TMEM134: variants seen among roughly 807,000 people sequenced by gnomAD.
TMEM134 encodes transmembrane protein 134.
Under a neutral mutation model 26.2 loss-of-function variants are expected in TMEM134, and 36 were observed. That is an observed-to-expected ratio of 1.37 (90% CI 1.05 to 1.81). The LOEUF is 1.81. Among genes scored for constraint, TMEM134 ranks in the 40% most tolerant of loss-of-function variants. TMEM134 has a pLI of 0.00. For synonymous variants in TMEM134, 133 were observed against 113.6 expected, an observed-to-expected ratio of 1.17 and a Z score of -1.08; for missense variants, 339 against 263.5, an observed-to-expected ratio of 1.29 and a Z score of -1.98.
Position 67,465,092 on chromosome 11 carries a change from G to C in TMEM134, c.415C>G (p.Leu139Val). ...GTCGCCTCCAGTCCCACGCCGACCA[G>C]GATCAGCACTGCACACAGACGGAGC... is the stretch of plus-strand genomic sequence containing the variant. ...LLLLLGLVLILVGVGLEATPS... is the reference protein window; with the variant it reads ...LLLLLGLVLIVVGVGLEATPS... Residue 139 changes from leucine to valine, a missense_variant, in exon 5 of 7, where the codon CTG becomes GTG. Leu to Val is a conservative substitution (Grantham distance 32). Transcript: ENST00000308022. 6.3e-7 allele frequency: 1 copy of C among 1,585,630 alleles called. No homozygotes were observed. The highest frequency in any genetic ancestry group is 8.5e-7 in the Non-Finnish European group (1 of 1,170,050).
chr11:67,465,090 C>T lies in TMEM134; in HGVS notation c.417G>A (p.Leu139=). 6.3e-7 allele frequency: 1 copy of T among 1,585,934 alleles called. No individual in the cohort carries two copies. The highest frequency in any genetic ancestry group is 8.5e-7 in the Non-Finnish European group (1 of 1,170,124). ...LLLLLGLVLI[L]VGVGLEATPS... ...GGGTCGCCTCCAGTCCCACGCCGAC[C>T]AGGATCAGCACTGCACACAGACGGA... The change falls in exon 5 of 7, where the codon CTG becomes CTA. Residue 139 remains leucine (L), a synonymous_variant. Coordinates refer to ENST00000308022, the MANE Select transcript of TMEM134 (RefSeq NM_025124.4).
intron 1 of TMEM134, 132 bp from the exon 2 acceptor site, chr11:67,468,224 C>T: frequency 2.5e-6 from 2 of 795,998 alleles, no homozygotes; most frequent in Admixed American, 4.5e-5. Context: ...GCCCTCTGCC[C>T]TCCCCGCAGA....
intron 1 of TMEM134, 135 bp downstream of exon 1, chr11:67,468,884 C>G: frequency 1.1e-6 from 1 of 944,402 alleles, no homozygotes; most frequent in Non-Finnish European, 1.4e-6. Context: ...AGAGTCACGT[C>G]CGCGGGGCGG....
In TMEM134 at chr11:67,468,039, T is replaced by TC; in HGVS notation, c.227dup (p.Val77SerfsTer158). The stretch of plus-strand genomic sequence containing the variant: ...CACCTGGCCCTAACCTGGTGCCGAC[T>TC]CCCCCATCCGGCTCCGGAGAGGCCT... On this transcript the variant is annotated frameshift_variant, in exon 2 of 7. Coordinates refer to ENST00000308022, the MANE Select transcript of TMEM134 (RefSeq NM_025124.4). LOFTEE classifies it high-confidence loss of function. 6.4e-7 allele frequency: 1 copy of TC among 1,559,468 alleles called. No homozygotes were observed. Among genetic ancestry groups the TC allele is most frequent in the Non-Finnish European group, 8.7e-7 (1 of 1,151,298 alleles).
rs535764805 is a variant in TMEM134 at position 67,464,974 on chromosome 11, C to T, written c.451+82G>A. The stretch of plus-strand genomic sequence containing the variant: ...CAGCTGAAAAGGAGCCGTGTACTGC[C>T]GGGAGGTGGGAGGGCTTGCCGTGGA... On this transcript the variant is annotated intron_variant, in intron 5 of 6. Transcript: ENST00000308022. The T allele has an allele frequency of 3.4e-5, 51 of 1,504,076 alleles. No individual in the cohort carries two copies. In the East Asian group the frequency reaches 8.7e-4, roughly 26 times the overall value. 93.2% of individuals were successfully genotyped at this position (1,504,076 alleles called of 1,614,324 possible).
At position 67,463,176 on chromosome 11, in the gene TMEM134, A is replaced by G. The variant is rs1215589948; in HGVS notation, c.*1438T>C. ...CTGGAAAGGTGGGAGCGAGAGCAAG[A>G]GTCTGGGTGTCCATTCCTCTAACTC... On this transcript the variant is annotated 3_prime_UTR_variant, in exon 7 of 7. Coordinates refer to ENST00000308022, the MANE Select transcript of TMEM134 (RefSeq NM_025124.4). 6.6e-6 allele frequency: 1 copy of G among 152,142 alleles called. No individual in the cohort carries two copies. The highest frequency in any genetic ancestry group is 1.5e-5 in the Non-Finnish European group (1 of 68,042). The allele number at this position is 152,142 out of a possible 1,614,324, so 9.4% of individuals were successfully genotyped here. A position where few individuals can be genotyped will look rare whatever the true frequency, so the allele number is the denominator to read the frequency against.
chr11:67,464,916 G>A, intron 5 of TMEM134, 60 bp from the exon 6 acceptor site: 1 of 1,592,020 alleles, frequency 6.3e-7, no homozygotes. Context: ...GGCCTTCCGG[G>A]CTGCCGCTGA....
At position 67,464,830 on chromosome 11, in the gene TMEM134, G is replaced by A; in HGVS notation, c.478C>T (p.Pro160Ser). Reference sequence around the variant, plus strand: ...CCAGGCACCAACAACAGGAAGCCCGGCACGAAGAAGATGGCGCTGGAGACA... The same window carrying A: ...CCAGGCACCAACAACAGGAAGCCCGACACGAAGAAGATGGCGCTGGAGACA... ...PGVSSAIFFV[P>S]GFLLLVPGVY... Residue 160 changes from proline to serine, a missense_variant, in exon 6 of 7, where the codon CCG (proline) becomes TCG (serine). Physicochemically the swap from Pro to Ser is moderately conservative, Grantham distance 74. Transcript: ENST00000308022. 6.2e-7 allele frequency: 1 copy of A among 1,610,424 alleles called. No homozygotes were observed. Among genetic ancestry groups the A allele is most frequent in the South Asian group, 1.1e-5 (1 of 90,930 alleles).
At position 67,464,288 on chromosome 11, in the gene TMEM134, A is replaced by AG. The variant is rs1865099194; in HGVS notation, c.*325dup. On this transcript the variant is annotated 3_prime_UTR_variant, in exon 7 of 7. Transcript: ENST00000308022. ...TTCAGCGTCAGGGTCAGTCCTTGGG[A>AG]GGGGGGCTGTGGTCAGGCTGGTGGG... 4.6e-6 allele frequency: 2 copies of AG among 438,226 alleles called. No homozygotes were observed. The highest frequency in any genetic ancestry group is 4.2e-6 in the Non-Finnish European group (1 of 238,780). The allele number at this position is 438,226 out of a possible 1,614,324, so 27.1% of individuals were successfully genotyped here. A position where few individuals can be genotyped will look rare whatever the true frequency, so the allele number is the denominator to read the frequency against.
chr11:67,466,584 C>T (rs1865262527), intron 4 of TMEM134: 1 of 154,552 alleles, frequency 6.5e-6, no homozygotes, highest in Non-Finnish European at 1.4e-5. Flanking sequence ...GACTCTGTGC[C>T]AGGGGCCTGG....
chr11:67,464,987 G>T, intron 5 of TMEM134, 69 bp downstream of exon 5: 1 of 1,487,598 alleles, frequency 6.7e-7, no homozygotes, highest in Non-Finnish European at 9.2e-7. Context: ...GAGGTGGGAG[G>T]GCTTGCCGTG....
rs1263908954 is a variant in TMEM134 at position 67,464,497 on chromosome 11, C to A, written c.*117G>T. On this transcript the variant is annotated 3_prime_UTR_variant, in exon 7 of 7. Coordinates refer to ENST00000308022, the MANE Select transcript of TMEM134 (RefSeq NM_025124.4). ...GCATGCCCCGAACTTCCTGAGCAAA[C>A]TCCCTAGGGGCTGGGGTTTCGAGGG... 9.0e-7 allele frequency: 1 copy of A among 1,108,330 alleles called. No individual in the cohort carries two copies. The highest frequency in any genetic ancestry group is 1.3e-6 in the Non-Finnish European group (1 of 759,782). 68.7% of individuals were successfully genotyped at this position (1,108,330 alleles called of 1,614,324 possible).
Position 67,468,821 on chromosome 11 carries a change from C to A in TMEM134, c.174+198G>T, listed in dbSNP as rs1003419231. Among the ~76,000 whole-genome samples, 5 of 152,286 alleles carry A rather than the reference C, an allele frequency of 3.3e-5. No individual in the cohort carries two copies. In the East Asian group the frequency reaches 9.7e-4, roughly 29 times the overall value. ...GGCCCGGGCACTGGGCTCTTCCCGG[C>A]TGGCTGGGGCCCGGTATGGGAACCG... On this transcript the variant is annotated intron_variant, in intron 1 of 6. Coordinates refer to ENST00000308022, the MANE Select transcript of TMEM134 (RefSeq NM_025124.4).
rs750303197 is a variant in TMEM134 at position 67,464,579 on chromosome 11, C to T, written c.*35G>A. 1 of 1,549,102 alleles carries T rather than the reference C, an allele frequency of 6.5e-7. No individual in the cohort carries two copies. Among genetic ancestry groups the T allele is most frequent in the South Asian group, 1.2e-5 (1 of 84,020 alleles). On this transcript the variant is annotated 3_prime_UTR_variant, in exon 7 of 7. Transcript: ENST00000308022. ...GAACGGAACAGGGCAAGAGGGGCGC[C>T]CCCATGGGCGCAAGGGGTCCACGCT...
intron 4 of TMEM134, chr11:67,465,329 A>G: frequency 7.8e-7 from 1 of 1,275,212 alleles, no homozygotes; most frequent in African/African-American, 1.5e-5. Flanking sequence ...TTAGTCATTC[A>G]GCAAACATTT....
intron 1 of TMEM134, 57 bp from the exon 2 acceptor site, chr11:67,468,149 C>T: frequency 6.7e-7 from 1 of 1,497,554 alleles, no homozygotes; most frequent in Admixed American, 2.0e-5. Flanking sequence ...TCCTCACTCC[C>T]TCCCGGGAAG....
At chr11:67,464,931 C>G (rs1865155511) in intron 5 of TMEM134, 75 bp from the exon 6 acceptor site, 1 of 1,571,870 alleles carries the variant, frequency 6.4e-7, no homozygotes, top group African/African-American at 1.3e-5. Context: ...CGCTGACTGC[C>G]CGGGCAAGCC....
At chr11:67,464,972 G>A in intron 5 of TMEM134, 84 bp downstream of exon 5, 1 of 1,501,416 alleles carries the variant, frequency 6.7e-7, no homozygotes, top group Non-Finnish European at 9.1e-7. Flanking sequence ...GCCGTGTACT[G>A]CCGGGAGGTG....
intron 4 of TMEM134, 71 bp from the exon 5 acceptor site, chr11:67,465,171 C>T (rs1356940311): frequency 3.6e-5 from 55 of 1,534,692 alleles, no homozygotes; most frequent in Non-Finnish European, 4.5e-5. Context: ...ACCCCCAGCC[C>T]GGCTCACCCA....
Sources: gnomAD v4.1 joint callset for allele counts (sites outside exome capture counted in the v4.1 genomes callset) on GRCh38, gnomAD v4.1.1 for gene constraint, MANE v1.5 for transcripts, NCBI Gene and HGNC (gene_info 2026-07-23, HGNC 2026-07-21) for gene names.